Variants in STK3 observed in about 807,000 individuals in gnomAD.
The protein encoded by STK3 is serine/threonine-protein kinase 3.
Under a neutral mutation model 58.0 loss-of-function variants are expected in STK3, and 41 were observed. The observed-to-expected ratio is 0.71, with a 90% CI of 0.55 to 0.92. The LOEUF (loss-of-function observed/expected upper bound fraction) is 0.92, where lower values mean the gene tolerates loss of function less well. Among genes scored for constraint, STK3 ranks in the 40% least tolerant of loss-of-function variants. The pLI, the probability that STK3 is intolerant of heterozygous loss-of-function variation, is 0.00. For synonymous variants in STK3, 170 were observed against 191.0 expected, an observed-to-expected ratio of 0.89 and a Z score of 0.91; for missense variants, 479 against 602.7, an observed-to-expected ratio of 0.79 and a Z score of 2.15.
chr8:98,728,833 C>T (rs13275915), intron 4 of STK3, among the ~76,000 whole-genome samples: 49,167 of 151,904 alleles, frequency 0.32, 8,268 homozygotes, highest in Admixed American at 0.43. Flanking sequence ...AAGATGTCTA[C>T]TATTAACAAT....
intron 8 of STK3, among the ~76,000 whole-genome samples, chr8:98,552,245 T>C (rs1387933189): frequency 6.6e-6 from 1 of 152,110 alleles, no homozygotes; most frequent in African/African-American, 2.4e-5. Context: ...TGACTGTTCT[T>C]ATTGTTTCCA....
chr8:98,861,784 T>C (rs538381350), intron 3 of STK3, among the ~76,000 whole-genome samples: 4 of 152,202 alleles, frequency 2.6e-5, no homozygotes, highest in Non-Finnish European at 5.9e-5. Context: ...CACTTGCAGC[T>C]TTTGAATCAG....
In STK3 at chr8:98,616,949, G is replaced by A. The variant is rs143173992; in HGVS notation, c.685-20780C>T. ...ATACCCAGGAATTTAACTCATCTCCGCACCAAGCGGACCTAATAGACATCT... is the reference window on the plus strand; with the variant it reads ...ATACCCAGGAATTTAACTCATCTCCACACCAAGCGGACCTAATAGACATCT... On this transcript the variant is annotated intron_variant, in intron 6 of 10. Coordinates refer to ENST00000419617, the MANE Select transcript of STK3 (RefSeq NM_006281.4). Among the ~76,000 whole-genome samples the A allele has an allele frequency of 4.1e-3, 625 of 152,186 alleles. 1 individual carries two copies. The highest frequency in any genetic ancestry group is 6.3e-3 in the Non-Finnish European group (426 of 68,020).
intron 1 of STK3, among the ~76,000 whole-genome samples, chr8:98,817,667 T>C (rs879321929): frequency 6.6e-6 from 1 of 152,072 alleles, no homozygotes; most frequent in African/African-American, 2.4e-5. Flanking sequence ...GGAGCCAGGA[T>C]TGATTCTTTT....
chr8:98,699,095 G>T (rs537031869), intron 6 of STK3, among the ~76,000 whole-genome samples: 1 of 151,944 alleles, frequency 6.6e-6, no homozygotes, highest in South Asian at 2.1e-4. Context: ...TTCCCTTCTC[G>T]CTTCATTTCA....
chr8:98,374,818 A>G (rs988878342), intron 2 of STK3, among the ~76,000 whole-genome samples: 3 of 152,352 alleles, frequency 2.0e-5, no homozygotes, highest in African/African-American at 7.2e-5. Flanking sequence ...ATTTCCTTGT[A>G]TATACATAAA....
intron 1 of STK3, among the ~76,000 whole-genome samples, chr8:98,442,624 C>T (rs1425080034): frequency 1.3e-5 from 2 of 152,184 alleles, no homozygotes; most frequent in Non-Finnish European, 2.9e-5. Context: ...CTCAGTGTTG[C>T]GGCTTAGCAG....
In STK3 at chr8:98,417,175, G is replaced by A. The variant is rs140596609; in HGVS notation, n.484-15662C>T. 6.6e-3 allele frequency among the ~76,000 whole-genome samples: 1,007 copies of A among 152,320 alleles called. 13 individuals carry two copies. Among genetic ancestry groups the A allele is most frequent in the Admixed American group, 0.031 (469 of 15,290 alleles). ...CAGGGAAACTTCCAGAATCCCAGGG[G>A]TGGGGGAGTGGAAGGCTGTAGAGAA... On this transcript the variant is annotated intron_variant and non_coding_transcript_variant, in intron 3 of 3. Coordinates refer to the STK3 transcript ENST00000517832.
At chr8:98,838,269 A>G (rs1201303710) in intron 3 of STK3, among the ~76,000 whole-genome samples, 3 of 152,070 alleles carry the variant, frequency 2.0e-5, no homozygotes, top group Non-Finnish European at 2.9e-5. Flanking sequence ...AATATATAAG[A>G]AACCTAAACT....
chr8:98,730,624 G>A (rs891457978), intron 4 of STK3, among the ~76,000 whole-genome samples: 4 of 147,900 alleles, frequency 2.7e-5, no homozygotes, highest in Non-Finnish European at 5.9e-5. Context: ...GCTGAGGCAC[G>A]AGAACTGCTT....
At chr8:98,927,821 G>C (rs528891645) in intron 1 of STK3, among the ~76,000 whole-genome samples, 1 of 152,300 alleles carries the variant, frequency 6.6e-6, no homozygotes, top group Non-Finnish European at 1.5e-5. Flanking sequence ...CACAGAGTGG[G>C]AGCTGTCTGC....
chr8:98,544,717 T>C (rs1385564664), intron 9 of STK3, among the ~76,000 whole-genome samples: 1 of 151,310 alleles, frequency 6.6e-6, no homozygotes, highest in Admixed American at 6.6e-5. Context: ...GACTCTACTG[T>C]AATTAGTATT....
intron 2 of STK3, among the ~76,000 whole-genome samples, chr8:98,374,357 G>A (rs1448967277): frequency 6.6e-6 from 1 of 152,174 alleles, no homozygotes. Flanking sequence ...CTCATATCTG[G>A]TGGCTTTACA....
chr8:98,408,039 G>A (rs770450220), intron 3 of STK3, among the ~76,000 whole-genome samples: 4 of 152,148 alleles, frequency 2.6e-5, no homozygotes, highest in African/African-American at 4.8e-5. Context: ...TTGATGAGAC[G>A]CACTTGATGA....
intron 1 of STK3, among the ~76,000 whole-genome samples, chr8:98,797,279 A>G (rs1187546512): frequency 6.6e-6 from 1 of 152,234 alleles, no homozygotes; most frequent in Non-Finnish European, 1.5e-5. Flanking sequence ...CTACTTGCCC[A>G]TCAGAAACAT....
At chr8:98,664,118 T>C (rs1822164482) in intron 6 of STK3, among the ~76,000 whole-genome samples, 1 of 152,226 alleles carries the variant, frequency 6.6e-6, no homozygotes, top group African/African-American at 2.4e-5. Context: ...GATAAGTCTA[T>C]ATTCATTAAT....
chr8:98,630,338 A>C (rs2130495201), intron 6 of STK3, among the ~76,000 whole-genome samples: 1 of 152,332 alleles, frequency 6.6e-6, no homozygotes, highest in South Asian at 2.1e-4. Context: ...ATAAAATGTG[A>C]AGTATTAAGA....
At chr8:98,423,041 T>C (rs1434830254) in intron 3 of STK3, among the ~76,000 whole-genome samples, 1 of 152,154 alleles carries the variant, frequency 6.6e-6, no homozygotes, top group Admixed American at 6.5e-5. Flanking sequence ...CCCCAGAGCC[T>C]GGGGGCTCCA....
chr8:98,359,038 T>C, the STK3 span, among the ~76,000 whole-genome samples: 1 of 152,040 alleles, frequency 6.6e-6, no homozygotes, highest in Non-Finnish European at 1.5e-5. Context: ...GGGGAAATGG[T>C]ATTTCCTTCC....
Sources: allele counts gnomAD v4.1 joint callset (sites outside exome capture counted in the v4.1 genomes callset), GRCh38; gene constraint gnomAD v4.1.1; transcripts MANE v1.5; gene names NCBI Gene and HGNC (gene_info 2026-07-23, HGNC 2026-07-21).